The following TNC variants were observed in gnomAD, a reference collection of about 807,000 sequenced individuals.
TNC encodes the protein tenascin C.
TNC carries 109 observed loss-of-function variants against 202.4 expected under a neutral mutation model. The observed-to-expected ratio is 0.54, with a 90% CI of 0.46 to 0.63. TNC has a LOEUF of 0.63. TNC is among the 30% of genes least tolerant of loss of function. TNC has a pLI of 0.00. For synonymous variants in TNC, 1,007 were observed against 1,089.7 expected (o/e 0.92, Z 1.50); for missense variants, 2,756 against 2,833.3 (o/e 0.97, Z 0.62).
rs545477280 is a variant in TNC, at chr9:115,042,480, G to C, written c.5126-139C>G. ...GCCAAGCCTTTAGGATGGAGAATGTGGTGATCTGTGGTTAAGTTGTGACTT... is the reference window on the plus strand; with the variant it reads ...GCCAAGCCTTTAGGATGGAGAATGTCGTGATCTGTGGTTAAGTTGTGACTT... On this transcript the variant is annotated intron_variant, in intron 17 of 27. Transcript: ENST00000350763. The C allele has an allele frequency of 3.5e-6, 4 of 1,148,728 alleles. 1 individual carries two copies. In the African/African-American group the frequency reaches 6.2e-5, roughly 18 times the overall value. The allele number at this position is 1,148,728 out of a possible 1,614,324, so 71.2% of individuals were successfully genotyped here.
rs542802970 is a variant in TNC at position 115,101,873 on chromosome 9, G to C, written c.-136-10719C>G. ...AAAGAATTACAATCACCAAATAGTG[G>C]TTGAAAAGGCCTTGGAAGATCATTA... On this transcript the variant is annotated intron_variant, in intron 1 of 27. Transcript: ENST00000350763. Among the ~76,000 whole-genome samples the C allele has an allele frequency of 3.3e-5, 5 of 152,202 alleles. No individual in the cohort carries two copies. The South Asian group carries it at 1.0e-3, about 32-fold the overall frequency.
Position 115,090,863 on chromosome 9 carries a change from G to C in TNC, c.156C>G (p.His52Gln). 6.2e-7 allele frequency: 1 copy of C among 1,614,216 alleles called. No individual in the cohort carries two copies. Among genetic ancestry groups the C allele is most frequent in the Non-Finnish European group, 8.5e-7 (1 of 1,180,038 alleles). ...PEENQPVVFN[H>Q]VYNIKLPVGS... is the part of the protein sequence containing the mutation. The stretch of plus-strand genomic sequence containing the variant: ...CCACTGGCAGCTTGATGTTGTAAAC[G>C]TGGTTAAACACCACTGGCTGGTTCT... Residue 52 changes from histidine to glutamine, a missense_variant, in exon 2 of 28, where the codon CAC (histidine) becomes CAG (glutamine). Around this residue, in one of 2 missense-constraint regions of TNC, gnomAD observed 2,559 missense variants for 2,546.0 expected, o/e 1.01. Coordinates refer to ENST00000350763, the MANE Select transcript of TNC (RefSeq NM_002160.4).
intron 16 of TNC, among the ~76,000 whole-genome samples, chr9:115,047,836 G>A (rs1831322197): frequency 6.6e-6 from 1 of 152,132 alleles, no homozygotes; most frequent in African/African-American, 2.4e-5. Context: ...GAGCCCACTG[G>A]GTAAGTTTGT....
intron 6 of TNC, among the ~76,000 whole-genome samples, chr9:115,078,498 A>T (rs535233672): frequency 6.6e-6 from 1 of 152,088 alleles, no homozygotes; most frequent in East Asian, 1.9e-4. Context: ...ACATGAAAAA[A>T]AAAAAGGTTG....
intron 9 of TNC, among the ~76,000 whole-genome samples, chr9:115,074,168 C>A (rs1833673408): frequency 6.6e-6 from 1 of 152,116 alleles, no homozygotes; most frequent in Admixed American, 6.5e-5. Flanking sequence ...ATAAAAGAAG[C>A]AATTTAGATG....
chr9:115,045,762 A>C (rs756011624), intron 17 of TNC, among the ~76,000 whole-genome samples: 15 of 151,636 alleles, frequency 9.9e-5, no homozygotes, highest in Non-Finnish European at 7.4e-5. Flanking sequence ...AACTCCAAGG[A>C]CACTCTAGGT....
chr9:115,090,776 T>C lies in TNC; in HGVS notation c.243A>G (p.Ser81=), dbSNP rs137959999. Residue 81 remains serine (S), a synonymous_variant, in exon 2 of 28, where the codon TCA becomes TCG. Transcript: ENST00000350763. ...GCTCCTGAAAGCTTTCGCTGGGCTCTGAAGGCGGTGCCAGGTCTTTCTCCC... is the reference window on the plus strand; with the variant it reads ...GCTCCTGAAAGCTTTCGCTGGGCTCCGAAGGCGGTGCCAGGTCTTTCTCCC... ...ASGEKDLAPP[S]EPSESFQEHT... is the part of the protein sequence containing the mutation. The C allele has an allele frequency of 2.5e-5, 40 of 1,614,250 alleles. No individual in the cohort carries two copies. Among genetic ancestry groups the C allele is most frequent in the Admixed American group, 1.8e-4 (11 of 60,036 alleles).
chr9:115,023,729 G>A (rs550986668), intron 27 of TNC, among the ~76,000 whole-genome samples: 3 of 152,312 alleles, frequency 2.0e-5, no homozygotes, highest in African/African-American at 7.2e-5. Flanking sequence ...AAAGCGTTCT[G>A]TTTTTGGAAT....
In TNC at chr9:115,091,172, CA is replaced by C. The variant is rs933990014; in HGVS notation, c.-136-19del. ...ATTATTTTCTACAAGCAAAGATGAA[CA>C]AAAAAATTATGAGTATCTACTATTG... On this transcript the variant is annotated intron_variant, in intron 1 of 27. Transcript: ENST00000350763. 4.2e-4 allele frequency: 268 copies of C among 640,028 alleles called. 1 individual carries two copies. Among genetic ancestry groups the C allele is most frequent in the Admixed American group, 3.8e-4 (13 of 33,972 alleles). The allele number at this position is 640,028 out of a possible 1,614,324, so 39.6% of individuals were successfully genotyped here.
chr9:115,063,782 T>C lies in TNC; in HGVS notation c.3760+14A>G. 6.3e-7 allele frequency: 1 copy of C among 1,599,522 alleles called. No individual in the cohort carries two copies. The highest frequency in any genetic ancestry group is 8.6e-7 in the Non-Finnish European group (1 of 1,168,476). On this transcript the variant is annotated intron_variant, in intron 12 of 27. Transcript: ENST00000350763. ...AAAGGGGAGGAAGTGAATTAGTGAA[T>C]TCGTCTAGAATACCTGTCAAGACTT... is the stretch of plus-strand genomic sequence containing the variant.
chr9:115,026,998 A>G (rs1169561491), intron 25 of TNC, among the ~76,000 whole-genome samples: 3 of 151,836 alleles, frequency 2.0e-5, no homozygotes, highest in Non-Finnish European at 4.4e-5. Context: ...AGTCCCAGCT[A>G]CTTGGGAGGC....
rs117733719 is a variant in TNC at position 115,020,188 on chromosome 9, G to A, written c.*969C>T. On this transcript the variant is annotated 3_prime_UTR_variant, in exon 28 of 28. Coordinates refer to ENST00000350763, the MANE Select transcript of TNC (RefSeq NM_002160.4). ...CCTGAGTAGCTGGGACGACAGGTGC[G>A]CACTACCACGCTTGCCTAATTAAAT... 0.044 allele frequency: 6,564 copies of A among 150,202 alleles called. 243 individuals carry two copies. The highest frequency in any genetic ancestry group is 0.063 in the Non-Finnish European group (4,255 of 67,940). The allele number at this position is 150,202 out of a possible 1,614,324, so 9.3% of individuals were successfully genotyped here. A position where few individuals can be genotyped will look rare whatever the true frequency, so the allele number is the denominator to read the frequency against.
rs1266769433 is a variant in TNC at position 115,073,627 on chromosome 9, G to A, written c.3190C>T (p.Pro1064Ser). The A allele has an allele frequency of 6.2e-7, 1 of 1,613,994 alleles. No individual in the cohort carries two copies. Among genetic ancestry groups the A allele is most frequent in the Non-Finnish European group, 8.5e-7 (1 of 1,180,002 alleles). ...CCAGTGGATGCCTTCACACGTGCGG[G>A]CTTGCTCTTGTGTCTGCCTTTCTCG... ...TAEKGRHKSK[P>S]ARVKASTEQA... The change falls in exon 10 of 28, where the codon CCC becomes TCC. Residue 1064 changes from proline to serine, a missense_variant. By Grantham distance (74) the Pro-to-Ser change is moderately conservative. Around this residue, in one of 2 missense-constraint regions of TNC, gnomAD observed 2,559 missense variants for 2,546.0 expected, o/e 1.01. Coordinates refer to ENST00000350763, the MANE Select transcript of TNC (RefSeq NM_002160.4).
In TNC at chr9:115,086,207, C is replaced by T. The variant is rs1834713921; in HGVS notation, c.1524G>A (p.Arg508=). The part of the protein sequence containing the change: ...DRQCPRDCSN[R]GLCVDGQCVC... ...CGCACTGTCCGTCCACACAGAGGCC[C>T]CTGTTGCTGCAGTCCCTGGGGCATT... The change falls in exon 3 of 28, where the codon AGG becomes AGA. Residue 508 remains arginine, a synonymous_variant. Coordinates refer to ENST00000350763, the MANE Select transcript of TNC (RefSeq NM_002160.4). The T allele has an allele frequency of 1.2e-6, 2 of 1,614,160 alleles. No individual in the cohort carries two copies. Among genetic ancestry groups the T allele is most frequent in the Non-Finnish European group, 1.7e-6 (2 of 1,180,030 alleles).
chr9:115,049,656 T>A lies in TNC; in HGVS notation c.4580-1124A>T, dbSNP rs193187466. Among the ~76,000 whole-genome samples the A allele has an allele frequency of 4.0e-4, 59 of 146,692 alleles. No homozygotes were observed. In the East Asian group the frequency reaches 0.012, roughly 29 times the overall value. On this transcript the variant is annotated intron_variant, in intron 15 of 27. Transcript: ENST00000350763. Reference sequence around the variant, plus strand: ...GTTTTTTCTTTTTTCTTTTTTTTTTTCTGACAGTACTGGTAAATGCATTTT... The same window carrying A: ...GTTTTTTCTTTTTTCTTTTTTTTTTACTGACAGTACTGGTAAATGCATTTT...
chr9:115,031,895 G>A (rs1829975246), intron 22 of TNC, among the ~76,000 whole-genome samples: 1 of 152,130 alleles, frequency 6.6e-6, no homozygotes, highest in Non-Finnish European at 1.5e-5. Flanking sequence ...AGGTCCTTGG[G>A]CCAGAAGGTG....
At chr9:115,052,097 CAT>C (rs895180005) in intron 15 of TNC, among the ~76,000 whole-genome samples, 1 of 148,712 alleles carries the variant, frequency 6.7e-6, no homozygotes, top group Non-Finnish European at 1.5e-5. Flanking sequence ...TATATATACA[CAT>C]ATATATATAA....
chr9:115,057,476 A>G lies in TNC; in HGVS notation c.4307-51T>C, dbSNP rs754099753. Reference sequence around the variant, plus strand: ...AGAAAAAAATAAATTTGAGTTAATTATTTGGCTGTGTTTTAAGATTGAGGT... The same window carrying G: ...AGAAAAAAATAAATTTGAGTTAATTGTTTGGCTGTGTTTTAAGATTGAGGT... On this transcript the variant is annotated intron_variant, in intron 14 of 27. Transcript: ENST00000350763. 4.7e-5 allele frequency: 68 copies of G among 1,440,270 alleles called. No individual in the cohort carries two copies. The Middle Eastern group carries it at 7.6e-4, about 16-fold the overall frequency. 89.2% of individuals were successfully genotyped at this position (1,440,270 alleles called of 1,614,324 possible). A position where few individuals can be genotyped will look rare whatever the true frequency, so the allele number is the denominator to read the frequency against.
chr9:115,036,160 A>G lies in TNC; in HGVS notation c.5594T>C (p.Leu1865Pro), dbSNP rs1286444734. ...GGGCCCTTTCTCTGCAAAGATTCTC[A>G]GTGTGTATTCCGTGGCAGGCTCGAG... ...TDLEPATEYTLRIFAEKGPQK... is the reference protein window; with the variant it reads ...TDLEPATEYTPRIFAEKGPQK... The change falls in exon 21 of 28, where the codon CTG (leucine) becomes CCG (proline). Residue 1865 changes from leucine (L) to proline (P), a missense_variant. Coordinates refer to ENST00000350763, the MANE Select transcript of TNC (RefSeq NM_002160.4). 2 of 1,614,160 alleles carry G rather than the reference A, an allele frequency of 1.2e-6. No homozygotes were observed. The highest frequency in any genetic ancestry group is 1.7e-6 in the Non-Finnish European group (2 of 1,180,020).
Sources: allele counts gnomAD v4.1 joint callset (sites outside exome capture counted in the v4.1 genomes callset), GRCh38; gene constraint gnomAD v4.1.1; regional missense constraint gnomAD v4.1.1; transcripts MANE v1.5; gene names NCBI Gene and HGNC (gene_info 2026-07-23, HGNC 2026-07-21).